PTPRN2: variants seen among roughly 807,000 people sequenced by gnomAD.
PTPRN2 encodes the protein protein tyrosine phosphatase receptor type N2, also known as receptor-type tyrosine-protein phosphatase N2.
PTPRN2 carries 74 observed loss-of-function variants against 118.8 expected under a neutral mutation model. That is an observed-to-expected ratio of 0.62 (90% confidence interval 0.52 to 0.76). The LOEUF (loss-of-function observed/expected upper bound fraction) is 0.76, where lower values mean the gene tolerates loss of function less well. Ranked by LOEUF, PTPRN2 falls within the 30% of genes least tolerant of loss-of-function variation. The pLI, the probability that PTPRN2 is intolerant of heterozygous loss-of-function variation, is 0.00. For missense variants in PTPRN2, 1,481 were observed against 1,394.4 expected, an observed-to-expected ratio of 1.06 and a Z score of -0.99; for synonymous variants, 641 against 608.0, an observed-to-expected ratio of 1.05 and a Z score of -0.80.
At position 158,517,458 on chromosome 7, in the gene PTPRN2, C is replaced by T. The variant is rs1478648533; in HGVS notation, c.113-27673G>A. 6.6e-6 allele frequency among the ~76,000 whole-genome samples: 1 copy of T among 152,186 alleles called. No individual in the cohort carries two copies. Among genetic ancestry groups the T allele is most frequent in the Non-Finnish European group, 1.5e-5 (1 of 68,022 alleles). ...TTCCCAAGTCTCCCTCAGTCCTTCC[C>T]AGACATCTCTTAAGGGGCCTGACTC... On this transcript the variant is annotated intron_variant, in intron 1 of 22. Coordinates refer to ENST00000389418, the MANE Select transcript of PTPRN2 (RefSeq NM_002847.5). This position sits in a 1 kb window ranked among gnomAD's most constrained non-coding sequence, Gnocchi z 5.3.
In PTPRN2 at chr7:157,725,258, G is replaced by C. The variant is rs1164356703; in HGVS notation, c.1789-42321C>G. On this transcript the variant is annotated intron_variant, in intron 12 of 22. Transcript: ENST00000389418. ...GAACTGGATATCCACATGCAGAGGAGTGAGCCAGACCCTGGCCTCCCAGGA... is the reference window on the plus strand; with the variant it reads ...GAACTGGATATCCACATGCAGAGGACTGAGCCAGACCCTGGCCTCCCAGGA... Among the ~76,000 whole-genome samples, 133 of 136,166 alleles carry C rather than the reference G, an allele frequency of 9.8e-4. 4 individuals carry two copies. Among genetic ancestry groups the C allele is most frequent in the Admixed American group, 3.4e-3 (45 of 13,068 alleles). 89.3% of individuals were successfully genotyped at this position (136,166 alleles called of 152,430 possible).
chr7:157,711,802 G>T (rs1278443233), intron 12 of PTPRN2, among the ~76,000 whole-genome samples: 1 of 151,834 alleles, frequency 6.6e-6, no homozygotes, highest in Non-Finnish European at 1.5e-5. Context: ...ATTTTCTACC[G>T]ACTTTGTTAT....
chr7:158,566,984 GA>G (rs946276834), intron 1 of PTPRN2, among the ~76,000 whole-genome samples: 1 of 152,188 alleles, frequency 6.6e-6, no homozygotes, highest in Admixed American at 6.5e-5. Context: ...AAAGTGCTGA[GA>G]TTATAGGCAT....
At chr7:157,841,531 A>C (rs1335791471) in intron 12 of PTPRN2, among the ~76,000 whole-genome samples, 1 of 152,166 alleles carries the variant, frequency 6.6e-6, no homozygotes, top group East Asian at 1.9e-4. Flanking sequence ...TCTTAAACAC[A>C]CACACAAATC....
At chr7:157,933,061 A>T (rs1272429344) in intron 11 of PTPRN2, among the ~76,000 whole-genome samples, 1 of 142,758 alleles carries the variant, frequency 7.0e-6, no homozygotes, top group Non-Finnish European at 1.5e-5. Flanking sequence ...AGTCAGTCTG[A>T]CTGGCATTTT....
chr7:158,529,867 ACAC>A lies in PTPRN2; in HGVS notation c.113-40085_113-40083del, dbSNP rs549240758. Among the ~76,000 whole-genome samples, 25 of 152,242 alleles carry A rather than the reference ACAC, an allele frequency of 1.6e-4. No individual in the cohort carries two copies. Among genetic ancestry groups the A allele is most frequent in the African/African-American group, 5.5e-4 (23 of 41,532 alleles). Reference sequence around the variant, plus strand: ...CACACGTGTACATCACACATGCCACACACCACACATATGCACACCACACACGTG... The same window carrying A: ...CACACGTGTACATCACACATGCCACACACACATATGCACACCACACACGTG... On this transcript the variant is annotated intron_variant, in intron 1 of 22. Transcript: ENST00000389418. The surrounding 1 kb of genome is among the most constrained non-coding windows in gnomAD (Gnocchi z 4.7).
chr7:157,617,093 C>T lies in PTPRN2; in HGVS notation c.2344+4269G>A. 6.6e-6 allele frequency: 1 copy of T among 152,410 alleles called. No individual in the cohort carries two copies. The allele number at this position is 152,410 out of a possible 1,614,324, so 9.4% of individuals were successfully genotyped here. On this transcript the variant is annotated intron_variant, in intron 15 of 22. Coordinates refer to ENST00000389418, the MANE Select transcript of PTPRN2 (RefSeq NM_002847.5). This position sits in a 1 kb window ranked among gnomAD's most constrained non-coding sequence, Gnocchi z 7.5. ...TCAGCTCTGACGGGCGGGCTCTAAA[C>T]CCCAAAGTTCTTGTCGGCCAAGTGG...
At chr7:157,833,173 G>A (rs183182639) in intron 12 of PTPRN2, among the ~76,000 whole-genome samples, 4 of 151,252 alleles carry the variant, frequency 2.6e-5, no homozygotes, top group Non-Finnish European at 5.9e-5. Flanking sequence ...GGAAGTATGC[G>A]ACGTGGCCAG....
intron 1 of PTPRN2, among the ~76,000 whole-genome samples, chr7:158,510,185 G>A (rs555677950): frequency 5.3e-5 from 8 of 152,312 alleles, no homozygotes; most frequent in East Asian, 1.9e-4. Flanking sequence ...AGCTGGGCCC[G>A]GTTCTATCAG....
chr7:158,202,270 G>A (rs1207154110), intron 4 of PTPRN2, among the ~76,000 whole-genome samples: 1 of 152,202 alleles, frequency 6.6e-6, no homozygotes, highest in African/African-American at 2.4e-5. Context: ...AGGAAATACT[G>A]TGGGCAACTG....
At chr7:157,777,933 T>G (rs575993880) in intron 12 of PTPRN2, among the ~76,000 whole-genome samples, 1 of 151,764 alleles carries the variant, frequency 6.6e-6, no homozygotes, top group East Asian at 1.9e-4. Context: ...CATAATTGAC[T>G]TGTATAACAT....
Position 158,582,796 on chromosome 7 carries a change from CAAAAAA to C in PTPRN2, c.112+4756_112+4761del, listed in dbSNP as rs1156687117. On this transcript the variant is annotated intron_variant, in intron 1 of 22. Coordinates refer to ENST00000389418, the MANE Select transcript of PTPRN2 (RefSeq NM_002847.5). ...TGGGTGACAAAGCGAGACTCCATCT[CAAAAAA>C]AAAAAAAAAAAAAAAAAAAGAATCC... is the stretch of plus-strand genomic sequence containing the variant. Among the ~76,000 whole-genome samples the C allele has an allele frequency of 2.9e-3, 129 of 44,310 alleles. 1 individual carries two copies. The highest frequency in any genetic ancestry group is 8.1e-3 in the African/African-American group (105 of 13,024). 29.1% of individuals were successfully genotyped at this position (44,310 alleles called of 152,430 possible).
chr7:158,480,194 T>G (rs1268451144), intron 2 of PTPRN2, among the ~76,000 whole-genome samples: 1 of 152,214 alleles, frequency 6.6e-6, no homozygotes, highest in South Asian at 2.1e-4. Context: ...CGGCACCATT[T>G]TCCCAGCAGC....
intron 12 of PTPRN2, among the ~76,000 whole-genome samples, chr7:157,855,569 T>C (rs1406134240): frequency 1.3e-5 from 2 of 152,200 alleles, no homozygotes; most frequent in Non-Finnish European, 2.9e-5. Context: ...TAGGATAATC[T>C]GGATGCGGCC....
intron 12 of PTPRN2, among the ~76,000 whole-genome samples, chr7:157,898,086 G>A (rs1248547896): frequency 6.6e-6 from 1 of 151,970 alleles, no homozygotes; most frequent in African/African-American, 2.4e-5. Flanking sequence ...GCGCCTCTCT[G>A]ATACCAGCAT....
rs367637263 is a variant in PTPRN2 at position 157,840,339 on chromosome 7, C to T, written c.1788+58334G>A. On this transcript the variant is annotated intron_variant, in intron 12 of 22. Transcript: ENST00000389418. ...CGTGTGACTGTGTGACCGCGTGTGA[C>T]GTGTGGCCGCGTGTGACTGTGTGGC... 4.0e-5 allele frequency among the ~76,000 whole-genome samples: 4 copies of T among 99,654 alleles called. No individual in the cohort carries two copies. The East Asian group carries it at 8.5e-4, about 21-fold the overall frequency. 65.4% of individuals were successfully genotyped at this position (99,654 alleles called of 152,430 possible).
chr7:157,713,015 G>C (rs1798725930), intron 12 of PTPRN2, among the ~76,000 whole-genome samples: 1 of 152,190 alleles, frequency 6.6e-6, no homozygotes, highest in Non-Finnish European at 1.5e-5. Context: ...GGCGGCCTCG[G>C]GCAGCTCACA....
chr7:158,395,965 A>G (rs556569586), intron 2 of PTPRN2, among the ~76,000 whole-genome samples: 2 of 152,148 alleles, frequency 1.3e-5, no homozygotes, highest in East Asian at 3.9e-4. Flanking sequence ...CACAGAGGTG[A>G]GAGTGGGGCC....
At chr7:157,765,337 C>T (rs1802391504) in intron 12 of PTPRN2, among the ~76,000 whole-genome samples, 1 of 151,776 alleles carries the variant, frequency 6.6e-6, no homozygotes, top group Non-Finnish European at 1.5e-5. Flanking sequence ...CATCATCCAT[C>T]CACCCATCCA....
Sources: allele counts gnomAD v4.1 joint callset (sites outside exome capture counted in the v4.1 genomes callset), GRCh38; gene constraint gnomAD v4.1.1; non-coding constraint Gnocchi (gnomAD v3.1); transcripts MANE v1.5; gene names NCBI Gene and HGNC (gene_info 2026-07-23, HGNC 2026-07-21).